The following USP7 variants were observed in gnomAD, a reference collection of about 807,000 sequenced individuals.
USP7 encodes the protein ubiquitin specific peptidase 7, also known as ubiquitin C-terminal hydrolase 7.
A neutral mutation model predicts 162.9 loss-of-function variants in USP7; 9 were observed. The observed-to-expected ratio is 0.06, with a 90% confidence interval of 0.03 to 0.10. The LOEUF (loss-of-function observed/expected upper bound fraction) is 0.10, where lower values mean the gene tolerates loss of function less well. Among genes scored for constraint, USP7 ranks in the 10% least tolerant of loss-of-function variants. The probability of loss-of-function intolerance (pLI) is 1.00; values close to 1 mark genes in which losing one functional copy is unlikely to be tolerated. For missense variants in USP7, 715 were observed against 1,373.7 expected, an observed-to-expected ratio of 0.52 and a Z score of 7.58; for synonymous variants, 562 against 475.9, an observed-to-expected ratio of 1.18 and a Z score of -2.35.
chr16:8,933,212 T>A (rs1255112960), intron 1 of USP7, among the ~76,000 whole-genome samples: 1 of 152,140 alleles, frequency 6.6e-6, no homozygotes, highest in East Asian at 1.9e-4. Flanking sequence ...AGTGCTGGGA[T>A]CACTCATGAG....
chr16:8,908,609 T>C (rs2061896131), intron 11 of USP7, among the ~76,000 whole-genome samples, 159 bp from the exon 12 acceptor site: 1 of 152,222 alleles, frequency 6.6e-6, no homozygotes, highest in African/African-American at 2.4e-5. Context: ...TGAAATGTTT[T>C]CTTTAGGTCT....
At chr16:8,896,946 G>A (rs1596349257) in intron 26 of USP7, 53 bp downstream of exon 26, 2 of 1,412,426 alleles carry the variant, frequency 1.4e-6, no homozygotes, top group African/African-American at 1.4e-5. Context: ...AGAGGTCAGC[G>A]TTAACTGCCA....
At chr16:8,936,686 T>C (rs1337732397) in intron 1 of USP7, 8 of 1,511,662 alleles carry the variant, frequency 5.3e-6, no homozygotes, top group South Asian at 2.5e-5. Flanking sequence ...AGTGACTGCA[T>C]AGAATCTCTA....
At chr16:8,910,595 C>A in intron 11 of USP7, 150 bp downstream of exon 11, 1 of 695,654 alleles carries the variant, frequency 1.4e-6, no homozygotes, top group Non-Finnish European at 2.4e-6. Flanking sequence ...TCTCCCTCCC[C>A]ATTCAATTAT....
In USP7 at chr16:8,921,141, A is replaced by C; in HGVS notation, c.522+16T>G. ...GTAATGCACCAATTGTTCAGACTAA[A>C]TACACTGTTACTTACACTCCAGGCC... On this transcript the variant is annotated intron_variant, in intron 4 of 30. Transcript: ENST00000344836. The C allele has an allele frequency of 1.9e-6, 3 of 1,612,976 alleles. No homozygotes were observed. Among genetic ancestry groups the C allele is most frequent in the East Asian group, 4.5e-5 (2 of 44,862 alleles).
At chr16:8,940,181 T>C (rs1898970577) in intron 1 of USP7, among the ~76,000 whole-genome samples, 1 of 152,214 alleles carries the variant, frequency 6.6e-6, no homozygotes, top group African/African-American at 2.4e-5. Context: ...CTCTGTCCTG[T>C]GGCTCCCATC....
intron 1 of USP7, 56 bp downstream of exon 1, chr16:8,963,151 C>A: frequency 7.4e-7 from 1 of 1,355,016 alleles, no homozygotes; most frequent in East Asian, 3.8e-5. Flanking sequence ...CGCGGCTCCC[C>A]CGGCCACAAT....
At position 8,915,324 on chromosome 16, in the gene USP7, T is replaced by G; in HGVS notation, c.1008A>C (p.Glu336Asp). The G allele has an allele frequency of 6.2e-7, 1 of 1,613,294 alleles. No individual in the cohort carries two copies. The highest frequency in any genetic ancestry group is 8.5e-7 in the Non-Finnish European group (1 of 1,179,820). ...GKMVSYIQCKEVDYRSDRRED... is the reference protein window; with the variant it reads ...GKMVSYIQCKDVDYRSDRRED... ...CTCTTCTATCAGACCGATAGTCTAC[T>G]TCTTTACACTGGATATAGGACTGCA... The change falls in exon 10 of 31, where the codon GAA becomes GAC. Residue 336 changes from glutamate (E) to aspartate (D), a missense_variant. Glu to Asp is a conservative substitution (Grantham distance 45). This residue lies in a region of USP7 where 15 missense variants were observed against 27.0 expected (regional missense o/e 0.56). Coordinates refer to ENST00000344836, the MANE Select transcript of USP7 (RefSeq NM_003470.3).
chr16:8,904,609 T>C lies in USP7; in HGVS notation c.1574-44A>G, dbSNP rs559993228. The C allele has an allele frequency of 1.5e-5, 24 of 1,604,592 alleles. No homozygotes were observed. In the African/African-American group the frequency reaches 2.7e-4, roughly 18 times the overall value. ...CTCTTTGACCCCTGCAGATGGACTT[T>C]CCCCTCTTAGAAGCTCCCGATTCTA... On this transcript the variant is annotated intron_variant, in intron 14 of 30. Coordinates refer to ENST00000344836, the MANE Select transcript of USP7 (RefSeq NM_003470.3).
At chr16:8,950,573 A>G (rs1256128337) in intron 1 of USP7, among the ~76,000 whole-genome samples, 1 of 152,206 alleles carries the variant, frequency 6.6e-6, no homozygotes, top group Non-Finnish European at 1.5e-5. Context: ...CAGAGCTTTC[A>G]GCAGCACATT....
At chr16:8,945,082 T>C (rs1325938150) in intron 1 of USP7, among the ~76,000 whole-genome samples, 1 of 152,164 alleles carries the variant, frequency 6.6e-6, no homozygotes, top group Non-Finnish European at 1.5e-5. Flanking sequence ...TGAAACCCCA[T>C]CTGTACTAAA....
At position 8,943,356 on chromosome 16, in the gene USP7, G is replaced by A. The variant is rs1039793429; in HGVS notation, c.80-12959C>T. Among the ~76,000 whole-genome samples the A allele has an allele frequency of 2.6e-5, 4 of 151,078 alleles. No homozygotes were observed. The South Asian group carries it at 6.2e-4, about 24-fold the overall frequency. On this transcript the variant is annotated intron_variant, in intron 1 of 30. Transcript: ENST00000344836. Reference sequence around the variant, plus strand: ...TGCTTCTACATGTATAGTCTGCTCCGCAAAAGAAACAGGATTATCTGCTCA... The same window carrying A: ...TGCTTCTACATGTATAGTCTGCTCCACAAAAGAAACAGGATTATCTGCTCA...
chr16:8,935,039 A>C (rs1567236249), intron 1 of USP7, among the ~76,000 whole-genome samples: 1 of 152,332 alleles, frequency 6.6e-6, no homozygotes, highest in East Asian at 1.9e-4. Flanking sequence ...CTAAACGATA[A>C]GGCTGCCTTC....
intron 1 of USP7, among the ~76,000 whole-genome samples, chr16:8,943,156 T>C (rs1899125419): frequency 6.6e-6 from 1 of 152,154 alleles, no homozygotes; most frequent in African/African-American, 2.4e-5. Context: ...AATAAAACTA[T>C]TTGTTTGGAG....
rs1332786521 is a variant in USP7, at chr16:8,892,899, TAA to T, written c.*1097_*1098del. On this transcript the variant is annotated 3_prime_UTR_variant, in exon 31 of 31. Coordinates refer to ENST00000344836, the MANE Select transcript of USP7 (RefSeq NM_003470.3). ...AAAAATACCGGAAAAGGATGAAAAA[TAA>T]GAGTGATTTGCTGATTCTATTTTAC... 7.2e-5 allele frequency: 11 copies of T among 151,824 alleles called. No individual in the cohort carries two copies. The highest frequency in any genetic ancestry group is 2.7e-4 in the African/African-American group (11 of 41,394). 9.4% of individuals were successfully genotyped at this position (151,824 alleles called of 1,614,324 possible).
In USP7 at chr16:8,952,491, T is replaced by C. The variant is rs1251355715; in HGVS notation, c.79+10716A>G. Among the ~76,000 whole-genome samples, 7 of 152,020 alleles carry C rather than the reference T, an allele frequency of 4.6e-5. No homozygotes were observed. In the South Asian group the frequency reaches 1.5e-3, roughly 32 times the overall value. On this transcript the variant is annotated intron_variant, in intron 1 of 30. Coordinates refer to ENST00000344836, the MANE Select transcript of USP7 (RefSeq NM_003470.3). ...TCCTTCTGGAGGTTCTAGGGGGAAA[T>C]GTTTCCCTGCCGCTTCCGGGTCCTA...
At position 8,920,345 on chromosome 16, in the gene USP7, A is replaced by G; in HGVS notation, c.611+14T>C. On this transcript the variant is annotated intron_variant, in intron 5 of 30. Coordinates refer to ENST00000344836, the MANE Select transcript of USP7 (RefSeq NM_003470.3). ...AAGACATTTTTAACAGCACCTGATT[A>G]AAGAAAAACTTACGCAACTCCATGG... The G allele has an allele frequency of 6.2e-7, 1 of 1,601,590 alleles. No individual in the cohort carries two copies. The highest frequency in any genetic ancestry group is 8.5e-7 in the Non-Finnish European group (1 of 1,176,112).
At chr16:8,897,747 A>ATATATATATATATATATAT (rs1491214554) in intron 25 of USP7, among the ~76,000 whole-genome samples, 2 of 117,988 alleles carry the variant, frequency 1.7e-5, no homozygotes, top group Non-Finnish European at 3.4e-5. Context: ...ATATATATAT[A>ATATATATATATATATATAT]AATGAGTTGG....
intron 12 of USP7, among the ~76,000 whole-genome samples, chr16:8,907,921 C>T (rs956816869): frequency 1.3e-5 from 2 of 152,210 alleles, no homozygotes; most frequent in Admixed American, 1.3e-4. Flanking sequence ...TAAAAGTTGA[C>T]GCCAACTGAG....
Sources: gnomAD v4.1 joint callset for allele counts (sites outside exome capture counted in the v4.1 genomes callset) on GRCh38, gnomAD v4.1.1 for gene constraint, gnomAD v4.1.1 regional missense constraint, MANE v1.5 for transcripts, NCBI Gene and HGNC (gene_info 2026-07-23, HGNC 2026-07-21) for gene names.